PDE4D: variants seen among roughly 807,000 people sequenced by gnomAD.
The protein encoded by PDE4D is phosphodiesterase 4D, also known as 3',5'-cyclic-AMP phosphodiesterase 4D.
PDE4D carries 24 observed loss-of-function variants against 87.4 expected under a neutral mutation model. The observed-to-expected ratio is 0.27, with a 90% CI of 0.20 to 0.39. PDE4D has a LOEUF of 0.39. Among genes scored for constraint, PDE4D ranks in the 10% least tolerant of loss-of-function variants. The pLI is 1.00. For synonymous variants in PDE4D, 384 were observed against 383.2 expected (o/e 1.00, Z -0.02); for missense variants, 714 against 1,041.0 (o/e 0.69, Z 4.32).
intron 1 of PDE4D, among the ~76,000 whole-genome samples, chr5:60,306,032 A>G (rs985551460): frequency 6.6e-6 from 1 of 152,122 alleles, no homozygotes; most frequent in African/African-American, 2.4e-5. Flanking sequence ...ATACTTTTGT[A>G]AAAAGTTGAT....
intron 1 of PDE4D, among the ~76,000 whole-genome samples, chr5:59,717,511 T>C (rs1324967521): frequency 6.6e-6 from 1 of 152,202 alleles, no homozygotes; most frequent in Admixed American, 6.5e-5. Flanking sequence ...GAATGACATC[T>C]AATATTTCTG....
At chr5:60,079,970 A>G (rs1436006886) in intron 2 of PDE4D, among the ~76,000 whole-genome samples, 1 of 152,212 alleles carries the variant, frequency 6.6e-6, no homozygotes, top group African/African-American at 2.4e-5. Flanking sequence ...TTTGGGCAGT[A>G]TGGTCATTTT....
At chr5:58,981,991 T>C (rs1476672082) in intron 11 of PDE4D, among the ~76,000 whole-genome samples, 4 of 152,192 alleles carry the variant, frequency 2.6e-5, no homozygotes, top group Non-Finnish European at 5.9e-5. Context: ...TTGAATCAGA[T>C]GCATAAGGAG....
chr5:59,264,712 A>T (rs2153537614), intron 1 of PDE4D, among the ~76,000 whole-genome samples: 1 of 152,116 alleles, frequency 6.6e-6, no homozygotes, highest in Non-Finnish European at 1.5e-5. Context: ...TAATGCTTTT[A>T]CAGTTTGTTT....
intron 1 of PDE4D, among the ~76,000 whole-genome samples, chr5:60,243,047 T>G (rs1306296944): frequency 2.0e-5 from 3 of 151,880 alleles, no homozygotes; most frequent in African/African-American, 7.2e-5. Flanking sequence ...AAAAGTTTGC[T>G]TCTTGAAAAG....
At chr5:60,120,663 G>T (rs1666177849) in intron 2 of PDE4D, among the ~76,000 whole-genome samples, 1 of 152,124 alleles carries the variant, frequency 6.6e-6, no homozygotes, top group Non-Finnish European at 1.5e-5. Context: ...GAGTATTGCA[G>T]CCCTGCTCAT....
At chr5:59,921,895 A>G (rs928740658) in intron 3 of PDE4D, among the ~76,000 whole-genome samples, 1 of 152,242 alleles carries the variant, frequency 6.6e-6, no homozygotes, top group African/African-American at 2.4e-5. Context: ...AAATCAGGTG[A>G]GCAATCTCTG....
rs1267770814 is a variant in PDE4D at position 59,291,623 on chromosome 5, G to A, written c.456-75655C>T. ...AAAAAGGATAAATGCTTGAGGTGAT[G>A]CATACCCATTTACCATGATGTGATT... On this transcript the variant is annotated intron_variant, in intron 1 of 14. Transcript: ENST00000340635. 5.3e-5 allele frequency among the ~76,000 whole-genome samples: 8 copies of A among 151,496 alleles called. No individual in the cohort carries two copies. In the East Asian group the frequency reaches 1.6e-3, roughly 29 times the overall value.
rs567019893 is a variant in PDE4D, at chr5:60,408,184, C to T, written c.-90+79758G>A. Among the ~76,000 whole-genome samples the T allele has an allele frequency of 9.2e-5, 14 of 152,330 alleles. No individual in the cohort carries two copies. The South Asian group carries it at 2.9e-3, about 32-fold the overall frequency. ...TCTGCACAGCTGGAGCAGAGACAAC[C>T]TATTCCCGCTGTGCCTTCACTGACT... On this transcript the variant is annotated intron_variant, in intron 1 of 16. Coordinates refer to the PDE4D transcript ENST00000502484.
intron 1 of PDE4D, among the ~76,000 whole-genome samples, chr5:60,233,025 A>G (rs988152732): frequency 2.6e-5 from 4 of 151,872 alleles, no homozygotes; most frequent in Non-Finnish European, 5.9e-5. Flanking sequence ...TAATACTTTG[A>G]GGATTGGATT....
chr5:60,494,651 C>A (rs1749717172), intron 1 of PDE4D, among the ~76,000 whole-genome samples: 1 of 152,178 alleles, frequency 6.6e-6, no homozygotes, highest in South Asian at 2.1e-4. Flanking sequence ...TCAACTAAAT[C>A]TTTTTGTGTG....
intron 1 of PDE4D, among the ~76,000 whole-genome samples, chr5:60,266,839 C>G (rs2149714290): frequency 6.6e-6 from 1 of 152,312 alleles, no homozygotes; most frequent in Non-Finnish European, 1.5e-5. Context: ...GCATTCCAGG[C>G]TCAACCAAAT....
At chr5:59,847,794 C>T (rs1168737416) in intron 1 of PDE4D, among the ~76,000 whole-genome samples, 2 of 152,094 alleles carry the variant, frequency 1.3e-5, no homozygotes, top group Non-Finnish European at 2.9e-5. Flanking sequence ...AACCATTGGC[C>T]TGCGCCAAGT....
chr5:60,069,142 G>A (rs145920794), intron 2 of PDE4D, among the ~76,000 whole-genome samples: 4 of 152,190 alleles, frequency 2.6e-5, no homozygotes, highest in African/African-American at 7.2e-5. Flanking sequence ...TTTATCAAAC[G>A]TCAGTTGACT....
Position 60,135,504 on chromosome 5 carries a change from T to TG in PDE4D, c.42+50052dup, listed in dbSNP as rs141203192. Among the ~76,000 whole-genome samples the TG allele has an allele frequency of 1.4e-4, 22 of 151,858 alleles. No homozygotes were observed. The East Asian group carries it at 4.3e-3, about 29-fold the overall frequency. On this transcript the variant is annotated intron_variant, in intron 2 of 16. Transcript: ENST00000502484. ...AAAAAAGTAGTCTATCGTTCAAAAA[T>TG]GGGGGAAGGGAAAAGGAAAAACCAT...
chr5:59,616,002 G>A (rs1394399885), intron 1 of PDE4D, among the ~76,000 whole-genome samples: 1 of 151,580 alleles, frequency 6.6e-6, no homozygotes, highest in Non-Finnish European at 1.5e-5. Flanking sequence ...AAGTTTTAGG[G>A]TACATGTGCA....
intron 1 of PDE4D, among the ~76,000 whole-genome samples, chr5:59,662,241 A>G (rs1745374476): frequency 6.6e-6 from 1 of 152,220 alleles, no homozygotes; most frequent in Non-Finnish European, 1.5e-5. Flanking sequence ...ACAAGAAAAT[A>G]CTTTGGCTGG....
intron 2 of PDE4D, among the ~76,000 whole-genome samples, chr5:60,128,259 A>C (rs1248525295): frequency 6.6e-6 from 1 of 152,244 alleles, no homozygotes; most frequent in African/African-American, 2.4e-5. Context: ...TTATAAATAT[A>C]ATATGGATGC....
intron 1 of PDE4D, among the ~76,000 whole-genome samples, chr5:59,432,462 C>T (rs1354594600): frequency 5.3e-5 from 8 of 151,974 alleles, no homozygotes; most frequent in Non-Finnish European, 7.4e-5. Context: ...CTGATTGGTG[C>T]TTGTATTTCT....
Sources: allele counts gnomAD v4.1 joint callset (sites outside exome capture counted in the v4.1 genomes callset), GRCh38; gene constraint gnomAD v4.1.1; transcripts MANE v1.5; gene names NCBI Gene and HGNC (gene_info 2026-07-23, HGNC 2026-07-21).